Variants in BLNK observed in about 807,000 individuals in gnomAD.
BLNK encodes B-cell linker protein.
In BLNK, 29 loss-of-function variants were observed where a neutral mutation model predicts 73.5. The ratio of observed to expected loss-of-function variants is 0.39; its 90% CI spans 0.29 to 0.54. BLNK has a LOEUF of 0.54. Among genes scored for constraint, BLNK ranks in the 20% least tolerant of loss-of-function variants. The probability of loss-of-function intolerance (pLI) is 0.61; values close to 1 mark genes in which losing one functional copy is unlikely to be tolerated. For missense variants in BLNK, 460 were observed against 562.8 expected, an observed-to-expected ratio of 0.82 and a Z score of 1.85; for synonymous variants, 176 against 200.8, an observed-to-expected ratio of 0.88 and a Z score of 1.04.
At chr10:96,215,508 G>C in intron 7 of BLNK, 119 bp from the exon 8 acceptor site, 2 of 892,448 alleles carry the variant, frequency 2.2e-6, no homozygotes, top group Non-Finnish European at 3.4e-6. Context: ...CAGAGAATTT[G>C]CAAAGAATGG....
chr10:96,258,128 T>C (rs1843597441), intron 1 of BLNK, among the ~76,000 whole-genome samples: 1 of 152,224 alleles, frequency 6.6e-6, no homozygotes, highest in South Asian at 2.1e-4. Flanking sequence ...TCCTCCAGCC[T>C]GGCCTTGCTA....
In BLNK at chr10:96,191,929, G is replaced by T; in HGVS notation, c.*44C>A. On this transcript the variant is annotated 3_prime_UTR_variant, in exon 17 of 17. Coordinates refer to ENST00000224337, the MANE Select transcript of BLNK (RefSeq NM_013314.4). ...ACTTTTTCTCAAAAGGAGAAACTTT[G>T]GGAAAGTGTCTGAAGCAATGGTATT... 1 of 1,611,498 alleles carries T rather than the reference G, an allele frequency of 6.2e-7. No homozygotes were observed. The highest frequency in any genetic ancestry group is 1.1e-5 in the South Asian group (1 of 90,852).
chr10:96,194,387 T>C (rs1319722769), intron 16 of BLNK, among the ~76,000 whole-genome samples: 2 of 152,074 alleles, frequency 1.3e-5, no homozygotes, highest in African/African-American at 4.8e-5. Context: ...AATTCCCCAA[T>C]ATAAAAATTC....
chr10:96,230,896 C>T, intron 3 of BLNK, 62 bp from the exon 4 acceptor site: 2 of 1,563,802 alleles, frequency 1.3e-6, no homozygotes, highest in Non-Finnish European at 1.7e-6. Context: ...AGCCCCAGCC[C>T]ATCCACACAC....
At chr10:96,225,853 CA>C (rs1554902352) in intron 5 of BLNK, among the ~76,000 whole-genome samples, 1 of 152,090 alleles carries the variant, frequency 6.6e-6, no homozygotes, top group African/African-American at 2.4e-5. Flanking sequence ...CCATGTTGGC[CA>C]GGCTGGTCTT....
chr10:96,221,669 A>G (rs2084199609), intron 6 of BLNK, among the ~76,000 whole-genome samples: 1 of 152,160 alleles, frequency 6.6e-6, no homozygotes, highest in African/African-American at 2.4e-5. Flanking sequence ...CACAGTATTC[A>G]TCTGCATTCT....
chr10:96,263,006 G>C (rs900226880), intron 1 of BLNK, among the ~76,000 whole-genome samples: 1 of 152,192 alleles, frequency 6.6e-6, no homozygotes, highest in Non-Finnish European at 1.5e-5. Context: ...GGCTGGAGAG[G>C]TGTCCTTTCA....
At chr10:96,205,765 C>T (rs1320292301) in intron 11 of BLNK, among the ~76,000 whole-genome samples, 1 of 152,176 alleles carries the variant, frequency 6.6e-6, no homozygotes, top group Non-Finnish European at 1.5e-5. Context: ...AGGGGGCATG[C>T]CTGGCAGGCT....
At position 96,189,615 on chromosome 10, in the gene BLNK, T is replaced by C; in HGVS notation, c.*2358A>G. Reference sequence around the variant, plus strand: ...TGATGATGGGTTTGAGTGTTTTCTATTCTGATTTGACTTTTGTGCATTTTT... The same window carrying C: ...TGATGATGGGTTTGAGTGTTTTCTACTCTGATTTGACTTTTGTGCATTTTT... On this transcript the variant is annotated 3_prime_UTR_variant, in exon 17 of 17. Transcript: ENST00000224337. 1 of 701,702 alleles carries C rather than the reference T, an allele frequency of 1.4e-6. No homozygotes were observed. The highest frequency in any genetic ancestry group is 2.7e-6 in the Non-Finnish European group (1 of 377,110). The allele number at this position is 701,702 out of a possible 1,614,324, so 43.5% of individuals were successfully genotyped here.
At chr10:96,262,685 T>C (rs138157467) in intron 1 of BLNK, among the ~76,000 whole-genome samples, 1,624 of 152,240 alleles carry the variant, frequency 0.011, 16 homozygotes, top group Non-Finnish European at 0.018. Context: ...ACATGAACGA[T>C]TGTGGGAGCA....
chr10:96,265,162 T>TTTATTTA (rs1554913922), intron 1 of BLNK, among the ~76,000 whole-genome samples: 1 of 57,836 alleles, frequency 1.7e-5, no homozygotes, highest in Non-Finnish European at 4.1e-5. Flanking sequence ...TTATTTATTT[T>TTTATTTA]TGTAGAGATG....
At chr10:96,203,782 TAA>T (rs5787172) in intron 13 of BLNK, 11,590 of 222,174 alleles carry the variant, frequency 0.052, no homozygotes, top group Middle Eastern at 0.08. Flanking sequence ...ATTGTTTTTG[TAA>T]AAAAAAAAAA....
intron 13 of BLNK, among the ~76,000 whole-genome samples, chr10:96,202,462 T>G (rs1361717316): frequency 6.6e-6 from 1 of 152,142 alleles, no homozygotes; most frequent in Non-Finnish European, 1.5e-5. Flanking sequence ...AAGTGAGAAG[T>G]CAAGGGTGAC....
At chr10:96,259,597 G>A (rs1307981093) in intron 1 of BLNK, among the ~76,000 whole-genome samples, 3 of 148,336 alleles carry the variant, frequency 2.0e-5, no homozygotes, top group Non-Finnish European at 4.4e-5. Flanking sequence ...TTGCTGCCAG[G>A]GCTGTTTCTT....
chr10:96,264,117 A>G (rs1591371981), intron 1 of BLNK, among the ~76,000 whole-genome samples: 1 of 152,212 alleles, frequency 6.6e-6, no homozygotes, highest in African/African-American at 2.4e-5. Flanking sequence ...TAAACGTGGA[A>G]TGAAAAAACT....
At chr10:96,201,116 T>A in intron 13 of BLNK, 58 bp from the exon 14 acceptor site, 2 of 1,453,836 alleles carry the variant, frequency 1.4e-6, no homozygotes, top group Non-Finnish European at 9.7e-7. Flanking sequence ...ACTCTTTCTA[T>A]GCCTATCCCC....
intron 6 of BLNK, among the ~76,000 whole-genome samples, chr10:96,217,643 T>A (rs190685855): frequency 3.5e-4 from 53 of 152,312 alleles, no homozygotes; most frequent in African/African-American, 1.3e-3. Context: ...TGCCCATTTT[T>A]AATTGGGTTG....
At chr10:96,208,705 C>T (rs941332692) in intron 9 of BLNK, among the ~76,000 whole-genome samples, 4 of 152,154 alleles carry the variant, frequency 2.6e-5, no homozygotes, top group South Asian at 2.1e-4. Flanking sequence ...GCTTTGTTTT[C>T]GGCTGAGAGC....
chr10:96,241,672 T>A (rs1316707971), intron 3 of BLNK, among the ~76,000 whole-genome samples: 1 of 152,078 alleles, frequency 6.6e-6, no homozygotes, highest in African/African-American at 2.4e-5. Flanking sequence ...AGTGCTGCTG[T>A]GGAATTCCAC....
Sources: allele counts gnomAD v4.1 joint callset (sites outside exome capture counted in the v4.1 genomes callset), GRCh38; gene constraint gnomAD v4.1.1; transcripts MANE v1.5; gene names NCBI Gene and HGNC (gene_info 2026-07-23, HGNC 2026-07-21).